SHROOM3: variants seen among roughly 807,000 people sequenced by gnomAD.
SHROOM3 encodes the protein shroom family member 3, also known as protein Shroom3.
Under a neutral mutation model 138.6 loss-of-function variants are expected in SHROOM3, and 47 were observed. The ratio of observed to expected loss-of-function variants is 0.34; its 90% CI spans 0.27 to 0.43. SHROOM3 has a LOEUF of 0.43. SHROOM3 is among the 20% of genes least tolerant of loss of function. SHROOM3 has a pLI of 1.00. For synonymous variants in SHROOM3, 1,062 were observed against 1,063.3 expected, an observed-to-expected ratio of 1.00 and a Z score of 0.02; for missense variants, 2,491 against 2,596.5, an observed-to-expected ratio of 0.96 and a Z score of 0.88.
At chr4:76,644,053 AG>A (rs1430852463) in intron 2 of SHROOM3, among the ~76,000 whole-genome samples, 1 of 152,032 alleles carries the variant, frequency 6.6e-6, no homozygotes, top group Non-Finnish European at 1.5e-5. Context: ...CATGTTGGTC[AG>A]GCTGGTCTCA....
chr4:76,474,200 A>G (rs966989714), intron 1 of SHROOM3, among the ~76,000 whole-genome samples: 1 of 152,254 alleles, frequency 6.6e-6, no homozygotes, highest in Non-Finnish European at 1.5e-5. Context: ...CACACATTGT[A>G]TAATTCCATT....
chr4:76,537,944 G>C (rs567726276), intron 1 of SHROOM3, among the ~76,000 whole-genome samples: 117 of 152,290 alleles, frequency 7.7e-4, no homozygotes, highest in African/African-American at 2.7e-3. Context: ...GTCTCCCTCT[G>C]TTGCCCAGGC....
intron 2 of SHROOM3, among the ~76,000 whole-genome samples, chr4:76,643,636 G>A (rs372672748): frequency 3.9e-5 from 6 of 152,206 alleles, no homozygotes; most frequent in African/African-American, 1.4e-4. Flanking sequence ...AAGGTTATCA[G>A]TATATAGTAA....
intron 1 of SHROOM3, among the ~76,000 whole-genome samples, chr4:76,543,338 C>T (rs1203273141): frequency 6.6e-6 from 1 of 152,060 alleles, no homozygotes; most frequent in Non-Finnish European, 1.5e-5. Flanking sequence ...GGAAGCTGCA[C>T]CTGGAAAGTC....
intron 2 of SHROOM3, among the ~76,000 whole-genome samples, chr4:76,629,336 G>A (rs539799887): frequency 2.4e-4 from 37 of 152,210 alleles, no homozygotes; most frequent in Non-Finnish European, 4.4e-4. Flanking sequence ...GAGTGAGTGA[G>A]GGAGGATAGT....
chr4:76,533,707 T>G (rs1732880989), intron 1 of SHROOM3, among the ~76,000 whole-genome samples: 1 of 152,244 alleles, frequency 6.6e-6, no homozygotes, highest in Non-Finnish European at 1.5e-5. Context: ...AAACACTACC[T>G]TCTCTCCTAA....
At chr4:76,604,173 A>G (rs1226074241) in intron 2 of SHROOM3, among the ~76,000 whole-genome samples, 1 of 152,150 alleles carries the variant, frequency 6.6e-6, no homozygotes, top group Non-Finnish European at 1.5e-5. Context: ...TCAGGCAGCC[A>G]AGGACATTTA....
intron 3 of SHROOM3, among the ~76,000 whole-genome samples, chr4:76,719,645 G>A (rs1453338277): frequency 6.6e-6 from 1 of 152,198 alleles, no homozygotes; most frequent in Non-Finnish European, 1.5e-5. Flanking sequence ...GGGATATAAA[G>A]AGGGGAATAT....
intron 2 of SHROOM3, among the ~76,000 whole-genome samples, chr4:76,557,728 A>G (rs944522210): frequency 6.6e-6 from 1 of 152,214 alleles, no homozygotes; most frequent in Non-Finnish European, 1.5e-5. Flanking sequence ...CTTTGAATAT[A>G]TGCAATTTTT....
chr4:76,759,600 G>A lies in SHROOM3; in HGVS notation c.5254G>A (p.Val1752Met). The change falls in exon 9 of 11, where the codon GTG (valine) becomes ATG (methionine). Residue 1752 changes from valine (V) to methionine (M), a missense_variant. Transcript: ENST00000296043. ...MLVNCPAYYS[V>M]SAPKAELLNK... ...GGTTAACTGCCCTGCCTACTACAGT[G>A]TGTCTGCTCCCAAGGCTGAGCTACT... The A allele has an allele frequency of 1.2e-6, 2 of 1,614,220 alleles. No individual in the cohort carries two copies. The highest frequency in any genetic ancestry group is 2.2e-5 in the East Asian group (1 of 44,890).
chr4:76,450,647 G>T (rs1730908367), intron 1 of SHROOM3, among the ~76,000 whole-genome samples: 1 of 152,162 alleles, frequency 6.6e-6, no homozygotes, highest in Admixed American at 6.5e-5. Context: ...CCACATATAT[G>T]AGATACCCAG....
At chr4:76,775,696 TAC>T (rs1560626298) in intron 10 of SHROOM3, among the ~76,000 whole-genome samples, 5 of 151,402 alleles carry the variant, frequency 3.3e-5, no homozygotes, top group African/African-American at 9.7e-5. Flanking sequence ...TGTGTATATA[TAC>T]ATAACATATT....
intron 1 of SHROOM3, among the ~76,000 whole-genome samples, chr4:76,464,815 G>C (rs1731219058): frequency 6.6e-6 from 1 of 152,154 alleles, no homozygotes; most frequent in South Asian, 2.1e-4. Flanking sequence ...AGATGTGCTT[G>C]CTTCCCCTTC....
chr4:76,611,875 A>G (rs200759208), intron 2 of SHROOM3, among the ~76,000 whole-genome samples: 1 of 152,212 alleles, frequency 6.6e-6, no homozygotes, highest in East Asian at 1.9e-4. Flanking sequence ...ATCTTCACCC[A>G]GTGTCCGGAT....
chr4:76,615,342 G>C (rs1035264173), intron 2 of SHROOM3, among the ~76,000 whole-genome samples: 4 of 152,150 alleles, frequency 2.6e-5, no homozygotes, highest in African/African-American at 9.7e-5. Flanking sequence ...CTTTCCAGGG[G>C]ATCAGATGGG....
At chr4:76,713,866 G>T (rs1720300942) in intron 3 of SHROOM3, among the ~76,000 whole-genome samples, 1 of 152,140 alleles carries the variant, frequency 6.6e-6, no homozygotes, top group South Asian at 2.1e-4. Context: ...ACTGTAAATT[G>T]TAAGCCCTAT....
At chr4:76,481,829 G>T (rs1384335362) in intron 1 of SHROOM3, among the ~76,000 whole-genome samples, 1 of 152,144 alleles carries the variant, frequency 6.6e-6, no homozygotes, top group East Asian at 1.9e-4. Context: ...CTTCATCCCT[G>T]GGATGCAAGG....
chr4:76,566,108 C>CAAAAAAAAAAAAAAAAAAAAAAATAAAAA (rs1170771360), intron 2 of SHROOM3, among the ~76,000 whole-genome samples: 1 of 59,344 alleles, frequency 1.7e-5, no homozygotes, highest in Non-Finnish European at 3.6e-5. Flanking sequence ...AACCCTGTCT[C>CAAAAAAAAAAAAAAAAAAAAAAATAAAAA]AAAAAAAAAA....
chr4:76,652,425 C>A (rs762170010), intron 2 of SHROOM3, among the ~76,000 whole-genome samples: 2 of 152,142 alleles, frequency 1.3e-5, no homozygotes, highest in African/African-American at 4.8e-5. Flanking sequence ...TGTCTCTAGG[C>A]AGCCTCTGTC....
Sources: allele counts gnomAD v4.1 joint callset (sites outside exome capture counted in the v4.1 genomes callset), GRCh38; gene constraint gnomAD v4.1.1; transcripts MANE v1.5; gene names NCBI Gene and HGNC (gene_info 2026-07-23, HGNC 2026-07-21).